PLEKHM1: variants seen among roughly 807,000 people sequenced by gnomAD.
PLEKHM1 encodes the protein pleckstrin homology and RUN domain containing M1.
Under a neutral mutation model 94.3 loss-of-function variants are expected in PLEKHM1, and 28 were observed. The ratio of observed to expected loss-of-function variants is 0.30; its 90% CI spans 0.22 to 0.41. The LOEUF (loss-of-function observed/expected upper bound fraction) is 0.41. Among genes scored for constraint, PLEKHM1 ranks in the 10% least tolerant of loss-of-function variants. PLEKHM1 has a pLI of 1.00. For synonymous variants in PLEKHM1, 424 were observed against 581.2 expected, an observed-to-expected ratio of 0.73 and a Z score of 3.89; for missense variants, 907 against 1,358.6, an observed-to-expected ratio of 0.67 and a Z score of 5.22.
At chr17:45,462,946 G>A (rs1386366860) in intron 5 of PLEKHM1, among the ~76,000 whole-genome samples, 1 of 151,610 alleles carries the variant, frequency 6.6e-6, no homozygotes, top group African/African-American at 2.4e-5. Flanking sequence ...GCTGGGCATG[G>A]TGGTGCATGC....
At chr17:45,441,440 A>T (rs538211101) in intron 9 of PLEKHM1, among the ~76,000 whole-genome samples, 2 of 152,252 alleles carry the variant, frequency 1.3e-5, no homozygotes, top group South Asian at 4.1e-4. Context: ...TCCCCAGTAA[A>T]CTTCCTGCAC....
chr17:45,449,028 G>A (rs935337573), intron 8 of PLEKHM1, among the ~76,000 whole-genome samples: 25 of 152,166 alleles, frequency 1.6e-4, no homozygotes, highest in Admixed American at 3.3e-4. Context: ...ACAGAATTTT[G>A]ATTGGTCTTT....
chr17:45,457,465 CAGA>C (rs1472326867), intron 6 of PLEKHM1, among the ~76,000 whole-genome samples: 1 of 151,448 alleles, frequency 6.6e-6, no homozygotes, highest in Non-Finnish European at 1.5e-5. Flanking sequence ...GTGGCTAAAG[CAGA>C]AGAATTGCTT....
intron 5 of PLEKHM1, among the ~76,000 whole-genome samples, chr17:45,461,472 A>G (rs1173311282): frequency 6.6e-6 from 1 of 152,224 alleles, no homozygotes; most frequent in Non-Finnish European, 1.5e-5. Context: ...CTAAGTCAGT[A>G]TCACAGATTT....
intron 9 of PLEKHM1, among the ~76,000 whole-genome samples, chr17:45,443,322 C>T (rs1041014225): frequency 1.3e-5 from 2 of 151,632 alleles, no homozygotes; most frequent in African/African-American, 4.9e-5. Context: ...CACCACTGCT[C>T]AGGAGGCCAC....
At chr17:45,483,895 A>C (rs2052032148) in intron 1 of PLEKHM1, among the ~76,000 whole-genome samples, 1 of 152,170 alleles carries the variant, frequency 6.6e-6, no homozygotes, top group Non-Finnish European at 1.5e-5. Context: ...CTGTAAACCA[A>C]AAATAAAATT....
chr17:45,442,069 T>A (rs918509162), intron 9 of PLEKHM1, among the ~76,000 whole-genome samples: 1 of 152,002 alleles, frequency 6.6e-6, no homozygotes, highest in African/African-American at 2.4e-5. Context: ...GGAGGGACAA[T>A]GAGGTCTGGT....
rs1048366424 is a variant in PLEKHM1, at chr17:45,436,444, C to T, written c.*1414G>A. On this transcript the variant is annotated 3_prime_UTR_variant, in exon 12 of 12. Coordinates refer to ENST00000430334, the MANE Select transcript of PLEKHM1 (RefSeq NM_014798.3). The stretch of plus-strand genomic sequence containing the variant: ...CAAGGCTGGGTGGGTGACTCAGCAG[C>T]TAATCGCCCCCAGGGAAGGGTGGGG... 2.2e-6 allele frequency: 1 copy of T among 452,954 alleles called. No individual in the cohort carries two copies. Among genetic ancestry groups the T allele is most frequent in the Admixed American group, 2.4e-5 (1 of 42,540 alleles). The allele number at this position is 452,954 out of a possible 1,614,324, so 28.1% of individuals were successfully genotyped here.
chr17:45,438,787 C>A (rs1357939469), intron 11 of PLEKHM1, among the ~76,000 whole-genome samples: 2 of 152,060 alleles, frequency 1.3e-5, no homozygotes, highest in African/African-American at 4.8e-5. Flanking sequence ...GAACTCCTGA[C>A]CTCAAGTGAT....
chr17:45,437,218 C>T lies in PLEKHM1; in HGVS notation c.*640G>A, dbSNP rs1355535840. ...AAAGAGGACACAGAGGAACCGGGGT[C>T]GCCAGGACTGGCCCTGCCCTGCTGA... is the stretch of plus-strand genomic sequence containing the variant. On this transcript the variant is annotated 3_prime_UTR_variant, in exon 12 of 12. Coordinates refer to ENST00000430334, the MANE Select transcript of PLEKHM1 (RefSeq NM_014798.3). The surrounding 1 kb of genome is among the most constrained non-coding windows in gnomAD (Gnocchi z 4.0). 4.4e-6 allele frequency: 2 copies of T among 452,816 alleles called. No homozygotes were observed. The highest frequency in any genetic ancestry group is 7.0e-5 in the East Asian group (1 of 14,352). 28.0% of individuals were successfully genotyped at this position (452,816 alleles called of 1,614,324 possible). A position where few individuals can be genotyped will look rare whatever the true frequency, so the allele number is the denominator to read the frequency against.
chr17:45,440,539 G>A (rs573389317), intron 9 of PLEKHM1, among the ~76,000 whole-genome samples: 5 of 152,364 alleles, frequency 3.3e-5, no homozygotes, highest in Non-Finnish European at 2.9e-5. Flanking sequence ...CAGTAAACAC[G>A]TAATTAATCA....
chr17:45,486,160 T>G (rs867818143), intron 1 of PLEKHM1, among the ~76,000 whole-genome samples: 143 of 141,864 alleles, frequency 1.0e-3, no homozygotes, highest in African/African-American at 3.7e-3. Context: ...GAGCTTGCAG[T>G]GAGCCGAGAT....
At chr17:45,450,995 G>T (rs1441825508) in intron 7 of PLEKHM1, among the ~76,000 whole-genome samples, 4 of 145,776 alleles carry the variant, frequency 2.7e-5, no homozygotes, top group Non-Finnish European at 6.0e-5. Flanking sequence ...GATGCTCAGA[G>T]AGGTTAGGAA....
rs1167726523 is a variant in PLEKHM1, at chr17:45,437,563, C to T, written c.*295G>A. On this transcript the variant is annotated 3_prime_UTR_variant, in exon 12 of 12. Coordinates refer to ENST00000430334, the MANE Select transcript of PLEKHM1 (RefSeq NM_014798.3). The surrounding 1 kb of genome is among the most constrained non-coding windows in gnomAD (Gnocchi z 4.0). ...TGTTTGGGCAGCCCTAACGGAGGCG[C>T]CGGGACGCTGGTGAGCCAGGGCCTG... 1 of 629,236 alleles carries T rather than the reference C, an allele frequency of 1.6e-6. No homozygotes were observed. The highest frequency in any genetic ancestry group is 2.9e-6 in the Non-Finnish European group (1 of 340,016). The allele number at this position is 629,236 out of a possible 1,614,324, so 39.0% of individuals were successfully genotyped here.
chr17:45,449,613 G>GCCA (rs2050709764), intron 8 of PLEKHM1, among the ~76,000 whole-genome samples: 1 of 148,584 alleles, frequency 6.7e-6, no homozygotes, highest in African/African-American at 2.5e-5. Context: ...CATCCACCTA[G>GCCA]CCACCTGCTC....
intron 6 of PLEKHM1, chr17:45,454,855 G>C (rs2050897265): frequency 5.4e-6 from 1 of 183,880 alleles, no homozygotes; most frequent in South Asian, 1.2e-4. Context: ...TTGGCCGGAA[G>C]CGGTGGCTCA....
At chr17:45,451,327 A>G (rs1410642862) in intron 7 of PLEKHM1, among the ~76,000 whole-genome samples, 1 of 152,220 alleles carries the variant, frequency 6.6e-6, no homozygotes, top group Non-Finnish European at 1.5e-5. Flanking sequence ...ACTGTGGGGT[A>G]GGGCTGGCTT....
chr17:45,455,821 C>T (rs2050929016), intron 6 of PLEKHM1, among the ~76,000 whole-genome samples: 1 of 152,160 alleles, frequency 6.6e-6, no homozygotes, highest in Admixed American at 6.5e-5. Flanking sequence ...GCCATGATGA[C>T]CCATTTAAAG....
chr17:45,455,091 C>T (rs918812234), intron 6 of PLEKHM1, among the ~76,000 whole-genome samples: 1 of 152,210 alleles, frequency 6.6e-6, no homozygotes, highest in East Asian at 1.9e-4. Context: ...CACTCCACTG[C>T]ACTTCAGCCT....
Sources: gnomAD v4.1 joint callset for allele counts (sites outside exome capture counted in the v4.1 genomes callset) on GRCh38, gnomAD v4.1.1 for gene constraint, Gnocchi (gnomAD v3.1) non-coding constraint, MANE v1.5 for transcripts, NCBI Gene and HGNC (gene_info 2026-07-23, HGNC 2026-07-21) for gene names.